The following XPNPEP3 variants were observed in gnomAD, a reference collection of about 807,000 sequenced individuals.
XPNPEP3 encodes xaa-Pro aminopeptidase 3.
A neutral mutation model predicts 60.0 loss-of-function variants in XPNPEP3; 41 were observed. That is an observed-to-expected ratio of 0.68 (90% CI 0.53 to 0.89). XPNPEP3 has a LOEUF of 0.89. XPNPEP3 is among the 40% of genes least tolerant of loss of function. XPNPEP3 has a pLI of 0.00. For missense variants in XPNPEP3, 598 were observed against 638.9 expected, an observed-to-expected ratio of 0.94 and a Z score of 0.69; for synonymous variants, 212 against 223.2, an observed-to-expected ratio of 0.95 and a Z score of 0.45.
At chr22:40,858,235 T>A (rs2057915811) in intron 1 of XPNPEP3, among the ~76,000 whole-genome samples, 1 of 151,628 alleles carries the variant, frequency 6.6e-6, no homozygotes, top group Admixed American at 6.6e-5. Context: ...CCTCCCGAGG[T>A]AGCTGGGATT....
chr22:40,902,130 T>C (rs981114052), intron 4 of XPNPEP3, among the ~76,000 whole-genome samples: 67 of 148,758 alleles, frequency 4.5e-4, no homozygotes, highest in African/African-American at 1.6e-3. Context: ...TGGAGTGTGG[T>C]GGCGTGATCT....
chr22:40,901,880 G>T (rs1267367356), intron 4 of XPNPEP3, among the ~76,000 whole-genome samples: 4 of 152,172 alleles, frequency 2.6e-5, no homozygotes, highest in African/African-American at 7.2e-5. Context: ...TGCTTAATGG[G>T]TAAGGGATTT....
rs780112468 is a variant in XPNPEP3, at chr22:40,922,327, C to A, written c.1056-6C>A. On this transcript the variant is annotated splice_polypyrimidine_tract_variant and splice_region_variant and intron_variant, in intron 7 of 9. Transcript: ENST00000357137. ...AGTTCAGGTTCTTTGGTTTTCCCGTCCCCAGGTTCACCGCACCTCAGGCAG... is the reference window on the plus strand; with the variant it reads ...AGTTCAGGTTCTTTGGTTTTCCCGTACCCAGGTTCACCGCACCTCAGGCAG... The A allele has an allele frequency of 1.2e-6, 2 of 1,613,622 alleles. No homozygotes were observed. The highest frequency in any genetic ancestry group is 3.3e-5 in the Admixed American group (2 of 59,946).
Position 40,929,478 on chromosome 22 carries a change from A to C in XPNPEP3, c.*3043A>C, listed in dbSNP as rs552892891. On this transcript the variant is annotated 3_prime_UTR_variant, in exon 10 of 10. Transcript: ENST00000357137. ...AGTGCTGCGATTACAGACGTGAGCC[A>C]CCGCACCTCCTGTATCATTTTCTAT... is the stretch of plus-strand genomic sequence containing the variant. 6.6e-6 allele frequency: 1 copy of C among 152,196 alleles called. No individual in the cohort carries two copies. Among genetic ancestry groups the C allele is most frequent in the Admixed American group, 6.6e-5 (1 of 15,262 alleles). 9.4% of individuals were successfully genotyped at this position (152,196 alleles called of 1,614,324 possible).
At chr22:40,924,905 C>T (rs958777956) in intron 9 of XPNPEP3, among the ~76,000 whole-genome samples, 3 of 152,092 alleles carry the variant, frequency 2.0e-5, no homozygotes, top group African/African-American at 7.2e-5. Context: ...ATTTTATTTT[C>T]GATTTATCTT....
chr22:40,926,168 A>G (rs761742595), intron 9 of XPNPEP3, 101 bp from the exon 10 acceptor site: 10 of 1,222,138 alleles, frequency 8.2e-6, no homozygotes, highest in Non-Finnish European at 1.2e-5. Flanking sequence ...AAGATCCAGT[A>G]TTACAGAGGA....
At chr22:40,912,091 T>A (rs1427523068) in intron 6 of XPNPEP3, among the ~76,000 whole-genome samples, 1 of 152,188 alleles carries the variant, frequency 6.6e-6, no homozygotes, top group Admixed American at 6.5e-5. Context: ...GTTTTTTTCA[T>A]AAAAATGTTA....
intron 3 of XPNPEP3, among the ~76,000 whole-genome samples, chr22:40,885,121 T>G (rs776177090): frequency 6.6e-6 from 1 of 152,174 alleles, no homozygotes; most frequent in Non-Finnish European, 1.5e-5. Context: ...CATTTTTATT[T>G]TAAAAATGAA....
rs756158592 is a variant in XPNPEP3, at chr22:40,909,286, A to G, written c.969+51A>G. ...TCCCACTAGGTCCAGATAGCCTAGT[A>G]GAAAACCTGCTAACCTCATGTCCTC... is the stretch of plus-strand genomic sequence containing the variant. On this transcript the variant is annotated intron_variant, in intron 6 of 9. Transcript: ENST00000357137. 25 of 1,426,328 alleles carry G rather than the reference A, an allele frequency of 1.8e-5. 1 individual carries two copies. In the South Asian group the frequency reaches 2.1e-4, roughly 12 times the overall value. 88.4% of individuals were successfully genotyped at this position (1,426,328 alleles called of 1,614,324 possible).
intron 2 of XPNPEP3, among the ~76,000 whole-genome samples, chr22:40,878,788 G>A (rs1468325842): frequency 2.0e-5 from 3 of 152,072 alleles, no homozygotes; most frequent in East Asian, 1.9e-4. Flanking sequence ...GGGTTTCATC[G>A]TGTTAGCCAG....
At chr22:40,875,046 A>G (rs922450011) in intron 2 of XPNPEP3, among the ~76,000 whole-genome samples, 3 of 152,230 alleles carry the variant, frequency 2.0e-5, no homozygotes, top group African/African-American at 7.2e-5. Context: ...AAAGTTTTGT[A>G]TCCTACAGGT....
Position 40,927,030 on chromosome 22 carries a change from A to C in XPNPEP3, c.*595A>C, listed in dbSNP as rs148233991. 3 of 157,180 alleles carry C rather than the reference A, an allele frequency of 1.9e-5. No individual in the cohort carries two copies. The highest frequency in any genetic ancestry group is 4.2e-5 in the Non-Finnish European group (3 of 70,962). 9.7% of individuals were successfully genotyped at this position (157,180 alleles called of 1,614,324 possible). A position where few individuals can be genotyped will look rare whatever the true frequency, so the allele number is the denominator to read the frequency against. ...TCCTGCAGTCTTACTAGTCAGCCAC[A>C]GTCCAGGTTCCAGCAACACTAGCTA... On this transcript the variant is annotated 3_prime_UTR_variant, in exon 10 of 10. Coordinates refer to ENST00000357137, the MANE Select transcript of XPNPEP3 (RefSeq NM_022098.4).
At chr22:40,872,315 T>G (rs1017885656) in intron 2 of XPNPEP3, among the ~76,000 whole-genome samples, 4 of 152,240 alleles carry the variant, frequency 2.6e-5, no homozygotes, top group Admixed American at 2.6e-4. Context: ...CAGTGCCATC[T>G]CTGTGCTAAG....
At chr22:40,898,576 T>C (rs1321110551) in intron 4 of XPNPEP3, among the ~76,000 whole-genome samples, 1 of 152,194 alleles carries the variant, frequency 6.6e-6, no homozygotes, top group Non-Finnish European at 1.5e-5. Context: ...TTAATATTTA[T>C]ATATGGTATA....
chr22:40,889,271 A>T (rs1214075380), intron 4 of XPNPEP3, among the ~76,000 whole-genome samples: 1 of 152,024 alleles, frequency 6.6e-6, no homozygotes, highest in Non-Finnish European at 1.5e-5. Flanking sequence ...GAGATCTTCC[A>T]TCCTCAGCCT....
At chr22:40,912,538 T>C (rs2058180703) in intron 6 of XPNPEP3, among the ~76,000 whole-genome samples, 1 of 152,188 alleles carries the variant, frequency 6.6e-6, no homozygotes, top group Non-Finnish European at 1.5e-5. Context: ...TTCTCCTTAC[T>C]GTAGTAAATC....
chr22:40,922,033 C>A (rs1196052226), intron 7 of XPNPEP3, among the ~76,000 whole-genome samples: 4 of 151,882 alleles, frequency 2.6e-5, no homozygotes, highest in Admixed American at 2.6e-4. Context: ...ATGGCTGAGC[C>A]TCATCTGCCC....
intron 4 of XPNPEP3, among the ~76,000 whole-genome samples, chr22:40,903,107 G>A (rs138057025): frequency 1.3e-5 from 2 of 152,176 alleles, no homozygotes; most frequent in Non-Finnish European, 2.9e-5. Context: ...GATACAAACT[G>A]CTCTGAAACT....
chr22:40,867,936 CAAAA>C (rs538562861), intron 1 of XPNPEP3, among the ~76,000 whole-genome samples: 7 of 73,340 alleles, frequency 9.5e-5, no homozygotes, highest in East Asian at 4.5e-4. Flanking sequence ...AGACCTGTCT[CAAAA>C]AAAAAAAAAA....
Sources: gnomAD v4.1 joint callset for allele counts (sites outside exome capture counted in the v4.1 genomes callset) on GRCh38, gnomAD v4.1.1 for gene constraint, MANE v1.5 for transcripts, NCBI Gene and HGNC (gene_info 2026-07-23, HGNC 2026-07-21) for gene names.